Variants in CRISPLD2 observed in about 807,000 individuals in gnomAD.
CRISPLD2 encodes the protein cysteine rich secretory protein LCCL domain containing 2, also known as cysteine-rich secretory protein LCCL domain-containing 2.
In CRISPLD2, 47 loss-of-function variants were observed where a neutral mutation model predicts 71.1. The observed-to-expected ratio is 0.66, with a 90% CI of 0.52 to 0.84. The LOEUF (loss-of-function observed/expected upper bound fraction) is 0.84. CRISPLD2 is among the 40% of genes least tolerant of loss of function. CRISPLD2 has a pLI of 0.00. For missense variants in CRISPLD2, 830 were observed against 651.1 expected, an observed-to-expected ratio of 1.27 and a Z score of -2.99; for synonymous variants, 317 against 250.1, an observed-to-expected ratio of 1.27 and a Z score of -2.52.
chr16:84,851,461 G>A (rs1025761400), intron 5 of CRISPLD2, among the ~76,000 whole-genome samples: 4 of 151,830 alleles, frequency 2.6e-5, no homozygotes, highest in Admixed American at 6.6e-5. Context: ...GTGGGCCCCG[G>A]GGCATGTTTG....
At position 84,844,714 on chromosome 16, in the gene CRISPLD2, G is replaced by A. The variant is rs1053301217; in HGVS notation, c.241-1072G>A. 9.9e-5 allele frequency among the ~76,000 whole-genome samples: 15 copies of A among 152,168 alleles called. No individual in the cohort carries two copies. The East Asian group carries it at 1.2e-3, about 12-fold the overall frequency. On this transcript the variant is annotated intron_variant, in intron 2 of 14. Coordinates refer to ENST00000262424, the MANE Select transcript of CRISPLD2 (RefSeq NM_031476.4). ...CTGAAATGCGGCATCCATTCATCTC[G>A]GGGCCCTTCTTGCTGTGTTGCCCTG... is the stretch of plus-strand genomic sequence containing the variant.
chr16:84,889,946 T>G (rs746452490), intron 14 of CRISPLD2, among the ~76,000 whole-genome samples: 1 of 152,120 alleles, frequency 6.6e-6, no homozygotes, highest in Admixed American at 6.5e-5. Flanking sequence ...TGACCCCGAG[T>G]AAGCCACCTG....
At position 84,845,873 on chromosome 16, in the gene CRISPLD2, A is replaced by C. The variant is rs1047946196; in HGVS notation, c.328A>C (p.Ile110Leu). ...CGGGCCCACCAGTCTGCTGGTGTCC[A>C]TCGGGCAGAACCTGGGCGCTCACTG... The part of the protein sequence containing the change: ...EHGPTSLLVS[I>L]GQNLGAHWGR... The change falls in exon 3 of 15, where the codon ATC becomes CTC. Residue 110 changes from isoleucine (I) to leucine (L), a missense_variant. Coordinates refer to ENST00000262424, the MANE Select transcript of CRISPLD2 (RefSeq NM_031476.4). The C allele has an allele frequency of 6.2e-7, 1 of 1,613,860 alleles. No homozygotes were observed. The highest frequency in any genetic ancestry group is 2.2e-5 in the East Asian group (1 of 44,880).
chr16:84,821,051 T>C (rs1286896334), intron 1 of CRISPLD2, among the ~76,000 whole-genome samples: 1 of 152,190 alleles, frequency 6.6e-6, no homozygotes, highest in African/African-American at 2.4e-5. Flanking sequence ...AAAATGTGAG[T>C]TGCTGCCCTG....
At position 84,893,689 on chromosome 16, in the gene CRISPLD2, G is replaced by A. The variant is rs140035884; in HGVS notation, c.1439+4326G>A. Among the ~76,000 whole-genome samples, 581 of 152,306 alleles carry A rather than the reference G, an allele frequency of 3.8e-3. 2 individuals are homozygous for A. The highest frequency in any genetic ancestry group is 0.013 in the African/African-American group (539 of 41,560). ...AAGAGGGCTAGTCTTACTGTCCAGA[G>A]GGGACTCCTTGGGGACATGGCTCCC... On this transcript the variant is annotated intron_variant, in intron 14 of 14. Transcript: ENST00000262424.
intron 13 of CRISPLD2, among the ~76,000 whole-genome samples, chr16:84,888,547 T>C (rs1306643057): frequency 6.6e-6 from 1 of 152,200 alleles, no homozygotes; most frequent in Non-Finnish European, 1.5e-5. Context: ...AGCTGCTCCC[T>C]TGGTACCTAG....
chr16:84,906,841 C>G lies in CRISPLD2; in HGVS notation c.*199C>G. The G allele has an allele frequency of 1.5e-6, 1 of 682,698 alleles. No individual in the cohort carries two copies. The highest frequency in any genetic ancestry group is 2.2e-5 in the Admixed American group (1 of 45,544). 42.3% of individuals were successfully genotyped at this position (682,698 alleles called of 1,614,324 possible). ...GCAACAGCATCCCAAGGTGCTCAGC[C>G]GGACTCCCTGGTGCCTGATCCTGCT... On this transcript the variant is annotated 3_prime_UTR_variant, in exon 15 of 15. Coordinates refer to ENST00000262424, the MANE Select transcript of CRISPLD2 (RefSeq NM_031476.4).
intron 1 of CRISPLD2, among the ~76,000 whole-genome samples, chr16:84,823,224 G>T (rs192569536): frequency 2.0e-5 from 3 of 152,292 alleles, no homozygotes; most frequent in African/African-American, 7.2e-5. Context: ...ATATTCCATT[G>T]CATTAATAGA....
intron 14 of CRISPLD2, among the ~76,000 whole-genome samples, chr16:84,892,069 G>A (rs936625039): frequency 2.0e-5 from 3 of 152,136 alleles, no homozygotes; most frequent in African/African-American, 7.2e-5. Flanking sequence ...ATAATGCTTG[G>A]GTTCAGCTTT....
chr16:84,877,280 G>GAGGAGCC (rs2071527375), intron 11 of CRISPLD2, among the ~76,000 whole-genome samples, 158 bp from the exon 12 acceptor site: 1 of 152,138 alleles, frequency 6.6e-6, no homozygotes, highest in Non-Finnish European at 1.5e-5. Flanking sequence ...GTGCCCCTAC[G>GAGGAGCC]TGGGGTACGA....
rs767869124 is a variant in CRISPLD2, at chr16:84,889,329, G to A, written c.1405G>A (p.Val469Met). Residue 469 changes from valine (V) to methionine (M), a missense_variant, in exon 14 of 15, where the codon GTG becomes ATG. Val to Met is a conservative substitution (Grantham distance 21). Coordinates refer to ENST00000262424, the MANE Select transcript of CRISPLD2 (RefSeq NM_031476.4). ...VMPVDKKKTY[V>M]GSLRNGVQSE... ...GCCCGTGGATAAAAAGAAGACCTAC[G>A]TGGGCTCGCTCAGGAATGGAGTTCA... is the stretch of plus-strand genomic sequence containing the variant. 8.1e-6 allele frequency: 13 copies of A among 1,613,922 alleles called. No individual in the cohort carries two copies. Among genetic ancestry groups the A allele is most frequent in the Middle Eastern group, 3.3e-4 (2 of 6,082 alleles).
At position 84,909,488 on chromosome 16, in the gene CRISPLD2, GA is replaced by G. The variant is rs2071833661; in HGVS notation, c.*2849del. 6.6e-6 allele frequency: 1 copy of G among 152,628 alleles called. No individual in the cohort carries two copies. The highest frequency in any genetic ancestry group is 1.5e-5 in the Non-Finnish European group (1 of 68,052). 9.5% of individuals were successfully genotyped at this position (152,628 alleles called of 1,614,324 possible). On this transcript the variant is annotated 3_prime_UTR_variant, in exon 15 of 15. Coordinates refer to ENST00000262424, the MANE Select transcript of CRISPLD2 (RefSeq NM_031476.4). ...TTATGAACAAATCTGAACAATTTGT[GA>G]AATAAAACATTGAAAACCATCTTTC...
intron 14 of CRISPLD2, among the ~76,000 whole-genome samples, chr16:84,900,497 C>G (rs1321438418): frequency 6.6e-6 from 1 of 151,912 alleles, no homozygotes; most frequent in Non-Finnish European, 1.5e-5. Flanking sequence ...CACTCCCTAC[C>G]TTCTATTGGT....
intron 13 of CRISPLD2, among the ~76,000 whole-genome samples, chr16:84,886,831 T>A (rs776953687): frequency 5.9e-5 from 9 of 152,138 alleles, no homozygotes; most frequent in Non-Finnish European, 7.4e-5. Context: ...AAAAAATACA[T>A]AACATTAAAC....
rs550037382 is a variant in CRISPLD2, at chr16:84,904,443, G to A, written c.1440-2145G>A. Reference sequence around the variant, plus strand: ...TGCTAAAAATACAAAAATTAGCCCCGCGTGGTGGTGTGCACCTGTAATCCC... The same window carrying A: ...TGCTAAAAATACAAAAATTAGCCCCACGTGGTGGTGTGCACCTGTAATCCC... On this transcript the variant is annotated intron_variant, in intron 14 of 14. Coordinates refer to ENST00000262424, the MANE Select transcript of CRISPLD2 (RefSeq NM_031476.4). Among the ~76,000 whole-genome samples the A allele has an allele frequency of 2.7e-4, 41 of 152,096 alleles. No individual in the cohort carries two copies. The Middle Eastern group carries it at 0.017, about 63-fold the overall frequency.
chr16:84,880,558 G>C lies in CRISPLD2; in HGVS notation c.1279G>C (p.Val427Leu). The C allele has an allele frequency of 6.2e-7, 1 of 1,613,932 alleles. No individual in the cohort carries two copies. The highest frequency in any genetic ancestry group is 2.2e-5 in the East Asian group (1 of 44,882). Residue 427 changes from valine (V) to leucine (L), a missense_variant, in exon 13 of 15, where the codon GTG (valine) becomes CTG (leucine). Physicochemically the swap from Val to Leu is conservative, Grantham distance 32. Coordinates refer to ENST00000262424, the MANE Select transcript of CRISPLD2 (RefSeq NM_031476.4). The stretch of plus-strand genomic sequence containing the variant: ...AGACGAACCTTCCTACTGGGCTCCG[G>C]TGTTTGGAACCAACATCTATGCAGA... ...CKDEPSYWAP[V>L]FGTNIYADTS...
chr16:84,881,641 T>C lies in CRISPLD2; in HGVS notation c.1305+1057T>C, dbSNP rs2934478. On this transcript the variant is annotated intron_variant, in intron 13 of 14. Transcript: ENST00000262424. ...ATTCATCTCTAGCTAATGTTTTTTATTTTTTTATTTTCTGAATAGAGGCAA... is the reference window on the plus strand; with the variant it reads ...ATTCATCTCTAGCTAATGTTTTTTACTTTTTTATTTTCTGAATAGAGGCAA... Among the ~76,000 whole-genome samples, 8 of 150,026 alleles carry C rather than the reference T, an allele frequency of 5.3e-5. No homozygotes were observed. The South Asian group carries it at 6.4e-4, about 12-fold the overall frequency.
rs33922205 is a variant in CRISPLD2, at chr16:84,848,460, TA to T, written c.360-911del. ...CCAGTTTGGTTTTCTCCCTAGTTATTAAAAAAAAAAAAAATGGTGCCAACCT... is the reference window on the plus strand; with the variant it reads ...CCAGTTTGGTTTTCTCCCTAGTTATTAAAAAAAAAAAAATGGTGCCAACCT... On this transcript the variant is annotated intron_variant, in intron 3 of 14. Transcript: ENST00000262424. 7.9e-3 allele frequency among the ~76,000 whole-genome samples: 1,140 copies of T among 144,940 alleles called. 26 individuals carry two copies. Among genetic ancestry groups the T allele is most frequent in the African/African-American group, 0.025 (966 of 39,022 alleles).
chr16:84,874,775 T>C (rs9932675), intron 11 of CRISPLD2, among the ~76,000 whole-genome samples: 8,157 of 152,266 alleles, frequency 0.054, 737 homozygotes, highest in African/African-American at 0.19. Flanking sequence ...TTTTTTGTAG[T>C]GATGACCTAA....
Sources: gnomAD v4.1 joint callset for allele counts (sites outside exome capture counted in the v4.1 genomes callset) on GRCh38, gnomAD v4.1.1 for gene constraint, MANE v1.5 for transcripts, NCBI Gene and HGNC (gene_info 2026-07-23, HGNC 2026-07-21) for gene names.